AP4E1: variants seen among roughly 807,000 people sequenced by gnomAD.
AP4E1 encodes AP-4 complex subunit epsilon-1.
Under a neutral mutation model 128.2 loss-of-function variants are expected in AP4E1, and 56 were observed. That is an observed-to-expected ratio of 0.44 (90% CI 0.35 to 0.55). AP4E1 has a LOEUF of 0.55. AP4E1 is among the 20% of genes least tolerant of loss of function. The pLI is 0.00. For missense variants in AP4E1, 1,324 were observed against 1,307.7 expected, an observed-to-expected ratio of 1.01 and a Z score of -0.19; for synonymous variants, 484 against 473.1, an observed-to-expected ratio of 1.02 and a Z score of -0.30.
chr15:50,948,076 G>A lies in AP4E1; in HGVS notation c.1233G>A (p.Gln411=), dbSNP rs1669263362. Residue 411 remains glutamine (Q), a synonymous_variant, in exon 11 of 21, where the codon CAG becomes CAA. Coordinates refer to ENST00000261842, the MANE Select transcript of AP4E1 (RefSeq NM_007347.5). The part of the protein sequence containing the change: ...TNAQNITVIV[Q]KMLEYLHQSK... Reference sequence around the variant, plus strand: ...CACAGAATATAACAGTTATTGTCCAGAAAATGCTTGAATATTTACATCAGA... The same window carrying A: ...CACAGAATATAACAGTTATTGTCCAAAAAATGCTTGAATATTTACATCAGA... The A allele has an allele frequency of 6.2e-7, 1 of 1,612,974 alleles. No individual in the cohort carries two copies. Among genetic ancestry groups the A allele is most frequent in the Admixed American group, 1.7e-5 (1 of 60,014 alleles).
intron 8 of AP4E1, among the ~76,000 whole-genome samples, chr15:50,935,450 T>C (rs2063895637): frequency 6.6e-6 from 1 of 151,994 alleles, no homozygotes; most frequent in African/African-American, 2.4e-5. Flanking sequence ...ACTGAGAAAG[T>C]AGCCAAAAAA....
chr15:50,931,199 C>G (rs1374533834), intron 7 of AP4E1, among the ~76,000 whole-genome samples: 1 of 152,142 alleles, frequency 6.6e-6, no homozygotes, highest in Non-Finnish European at 1.5e-5. Flanking sequence ...ACCCATGAAA[C>G]ACCATCTCCT....
chr15:50,994,030 A>C (rs962151689), intron 17 of AP4E1, among the ~76,000 whole-genome samples: 1 of 152,228 alleles, frequency 6.6e-6, no homozygotes, highest in Non-Finnish European at 1.5e-5. Flanking sequence ...CATAAATTCT[A>C]TTCTCCCAGA....
chr15:50,934,226 A>G (rs1461747607), intron 7 of AP4E1, among the ~76,000 whole-genome samples: 1 of 152,094 alleles, frequency 6.6e-6, no homozygotes, highest in African/African-American at 2.4e-5. Flanking sequence ...AAACTTTTTC[A>G]TGGTATCTGG....
intron 16 of AP4E1, among the ~76,000 whole-genome samples, chr15:50,988,212 A>G (rs2140921203): frequency 6.6e-6 from 1 of 152,356 alleles, no homozygotes; most frequent in South Asian, 2.1e-4. Context: ...CCCATTATAA[A>G]TTGAAAATAT....
chr15:50,919,497 A>C (rs1034899407), intron 3 of AP4E1, among the ~76,000 whole-genome samples: 2 of 152,008 alleles, frequency 1.3e-5, no homozygotes, highest in African/African-American at 4.8e-5. Flanking sequence ...GCACCATTGC[A>C]CTCCAGCCTG....
chr15:50,913,430 A>T (rs144510564), intron 2 of AP4E1, among the ~76,000 whole-genome samples: 1 of 152,360 alleles, frequency 6.6e-6, no homozygotes, highest in African/African-American at 2.4e-5. Context: ...CAGAACTAAG[A>T]TAAATAGGTA....
intron 8 of AP4E1, among the ~76,000 whole-genome samples, chr15:50,938,764 C>A (rs1452274977): frequency 6.6e-6 from 1 of 151,964 alleles, no homozygotes; most frequent in Non-Finnish European, 1.5e-5. Flanking sequence ...TAATGAGGTA[C>A]CCCTCTCTCT....
chr15:50,974,481 G>A (rs556662392), intron 15 of AP4E1, among the ~76,000 whole-genome samples: 50 of 151,902 alleles, frequency 3.3e-4, no homozygotes, highest in African/African-American at 1.2e-3. Flanking sequence ...TGCCCAGACT[G>A]GTCTCAAACT....
At chr15:50,931,519 T>G (rs906967659) in intron 7 of AP4E1, among the ~76,000 whole-genome samples, 1 of 152,126 alleles carries the variant, frequency 6.6e-6, no homozygotes, top group South Asian at 2.1e-4. Flanking sequence ...TGAGCCGAGA[T>G]TGTGCCACTG....
At chr15:50,976,683 A>T (rs963098602) in intron 15 of AP4E1, among the ~76,000 whole-genome samples, 3 of 152,260 alleles carry the variant, frequency 2.0e-5, no homozygotes, top group Non-Finnish European at 4.4e-5. Context: ...AAGTTGTAGG[A>T]TGCAAAGTCA....
At chr15:50,978,514 T>C (rs968061867) in intron 15 of AP4E1, among the ~76,000 whole-genome samples, 2 of 152,206 alleles carry the variant, frequency 1.3e-5, no homozygotes, top group Admixed American at 6.5e-5. Context: ...GTGCATATAA[T>C]TGAGGCCTCT....
chr15:50,951,724 T>TTC (rs1555457789), intron 13 of AP4E1, among the ~76,000 whole-genome samples: 2 of 140,440 alleles, frequency 1.4e-5, no homozygotes, highest in Non-Finnish European at 3.1e-5. Context: ...TTAATTTTCT[T>TTC]TCTTTTTTTT....
At chr15:50,984,239 G>T (rs2064685058) in intron 16 of AP4E1, 94 bp downstream of exon 16, 2 of 1,422,348 alleles carry the variant, frequency 1.4e-6, no homozygotes, top group Non-Finnish European at 2.0e-6. Context: ...ATATCATCAT[G>T]GTCATTATTT....
chr15:50,949,525 T>C (rs2064115275), intron 11 of AP4E1, among the ~76,000 whole-genome samples: 1 of 152,200 alleles, frequency 6.6e-6, no homozygotes, highest in Admixed American at 6.5e-5. Context: ...TAATTTTCCA[T>C]TATTTGCATC....
At chr15:50,923,611 C>T (rs1453836867) in intron 3 of AP4E1, among the ~76,000 whole-genome samples, 1 of 151,996 alleles carries the variant, frequency 6.6e-6, no homozygotes, top group African/African-American at 2.4e-5. Context: ...ATAGAGAATG[C>T]TTTGATTGAT....
intron 15 of AP4E1, among the ~76,000 whole-genome samples, chr15:50,970,335 C>A (rs1475715493): frequency 6.6e-6 from 1 of 152,124 alleles, no homozygotes; most frequent in African/African-American, 2.4e-5. Flanking sequence ...TTTCTTTATC[C>A]ATTCATCTGT....
At chr15:50,960,292 A>G (rs2064293577) in intron 14 of AP4E1, among the ~76,000 whole-genome samples, 1 of 152,172 alleles carries the variant, frequency 6.6e-6, no homozygotes, top group African/African-American at 2.4e-5. Context: ...ATATTTACAG[A>G]ACATTTTATT....
intron 14 of AP4E1, among the ~76,000 whole-genome samples, chr15:50,962,015 A>G (rs1567239206): frequency 7.3e-6 from 1 of 137,342 alleles, no homozygotes. Context: ...AAATAAATAA[A>G]TAAATACAAT....
Sources: allele counts gnomAD v4.1 joint callset (sites outside exome capture counted in the v4.1 genomes callset), GRCh38; gene constraint gnomAD v4.1.1; transcripts MANE v1.5; gene names NCBI Gene and HGNC (gene_info 2026-07-23, HGNC 2026-07-21).